CD3E: variants seen among roughly 807,000 people sequenced by gnomAD.
The protein encoded by CD3E is T-cell surface glycoprotein CD3 epsilon chain.
CD3E carries 16 observed loss-of-function variants against 34.7 expected under a neutral mutation model. That is an observed-to-expected ratio of 0.46 (90% confidence interval 0.31 to 0.70). The LOEUF is 0.70. CD3E is among the 30% of genes least tolerant of loss of function. The pLI is 0.05. For missense variants in CD3E, 223 were observed against 253.9 expected, an observed-to-expected ratio of 0.88 and a Z score of 0.83; for synonymous variants, 70 against 90.8, an observed-to-expected ratio of 0.77 and a Z score of 1.30.
chr11:118,314,459 G>A lies in CD3E; in HGVS notation c.532G>A (p.Glu178Lys), dbSNP rs751888640. Residue 178 changes from glutamate to lysine, a missense_variant, in exon 8 of 9, where the codon GAG becomes AAG. Coordinates refer to ENST00000361763, the MANE Select transcript of CD3E (RefSeq NM_000733.4). ...AGGRQRGQNKERPPPVPNPDY... is the reference protein window; with the variant it reads ...AGGRQRGQNKKRPPPVPNPDY... ...TCCTTCCTCCGCAGGACAAAACAAG[G>A]AGAGGCCACCACCTGTTCCCAACCC... 2 of 1,614,024 alleles carry A rather than the reference G, an allele frequency of 1.2e-6. No individual in the cohort carries two copies. The highest frequency in any genetic ancestry group is 1.1e-5 in the South Asian group (1 of 91,054).
At chr11:118,314,960 T>C (rs113307220) in intron 8 of CD3E, among the ~76,000 whole-genome samples, 25 of 143,728 alleles carry the variant, frequency 1.7e-4, no homozygotes, top group Middle Eastern at 3.4e-3. Flanking sequence ...CACACACACA[T>C]ACACACACAC....
chr11:118,312,928 T>C (rs1386915761), intron 6 of CD3E, 62 bp downstream of exon 6: 1 of 1,599,882 alleles, frequency 6.3e-7, no homozygotes. Context: ...CAAAAGGGCA[T>C]TCTCAGTGAT....
Position 118,313,746 on chromosome 11 carries a change from C to T in CD3E, c.392C>T (p.Ala131Val). ...NCMEMDVMSV[A>V]TIVIVDICIT... ...ATGGAGATGGATGTGATGTCGGTGG[C>T]CACAATTGTCATAGTGGACATCTGC... is the stretch of plus-strand genomic sequence containing the variant. The change falls in exon 7 of 9, where the codon GCC becomes GTC. Residue 131 changes from alanine (A) to valine (V), a missense_variant. Ala to Val is a moderately conservative substitution (Grantham distance 64). Coordinates refer to ENST00000361763, the MANE Select transcript of CD3E (RefSeq NM_000733.4). 2 of 1,614,146 alleles carry T rather than the reference C, an allele frequency of 1.2e-6. No individual in the cohort carries two copies. The highest frequency in any genetic ancestry group is 1.7e-6 in the Non-Finnish European group (2 of 1,180,016).
At position 118,304,781 on chromosome 11, in the gene CD3E, GTC is replaced by G. The variant is rs1207815229; in HGVS notation, c.-60+13_-60+14del. On this transcript the variant is annotated splice_donor_region_variant and intron_variant, in intron 1 of 8. Coordinates refer to ENST00000361763, the MANE Select transcript of CD3E (RefSeq NM_000733.4). ...AGGTGCCTGCTTCAGAAAATGGTGA[GTC>G]TCTCTCTTATAAAGCCCTCCTTTTT... 5 of 730,362 alleles carry G rather than the reference GTC, an allele frequency of 6.8e-6. No homozygotes were observed. The highest frequency in any genetic ancestry group is 1.7e-5 in the African/African-American group (1 of 57,852). 45.2% of individuals were successfully genotyped at this position (730,362 alleles called of 1,614,324 possible). A position where few individuals can be genotyped will look rare whatever the true frequency, so the allele number is the denominator to read the frequency against.
At chr11:118,309,952 G>C (rs12793150) in intron 4 of CD3E, among the ~76,000 whole-genome samples, 89,342 of 152,106 alleles carry the variant, frequency 0.59, 27,377 homozygotes, top group East Asian at 0.73. Context: ...CACTGTACTC[G>C]AGCCTCTGTG....
chr11:118,310,040 G>T (rs1948127620), intron 4 of CD3E, among the ~76,000 whole-genome samples: 1 of 152,234 alleles, frequency 6.6e-6, no homozygotes, highest in Admixed American at 6.5e-5. Flanking sequence ...AGATTTATAT[G>T]ATACCGAAGT....
intron 4 of CD3E, among the ~76,000 whole-genome samples, chr11:118,308,803 C>T (rs1948120917): frequency 6.6e-6 from 1 of 152,206 alleles, no homozygotes; most frequent in Non-Finnish European, 1.5e-5. Flanking sequence ...AATGAACAAA[C>T]ATATGAACAC....
rs763777716 is a variant in CD3E, at chr11:118,314,439, C to G, written c.521-9C>G. On this transcript the variant is annotated splice_polypyrimidine_tract_variant and intron_variant, in intron 7 of 8. Coordinates refer to ENST00000361763, the MANE Select transcript of CD3E (RefSeq NM_000733.4). ...TGGGAATGAAATGTTTCCCCTCCTT[C>G]CTCCGCAGGACAAAACAAGGAGAGG... 4 of 1,613,358 alleles carry G rather than the reference C, an allele frequency of 2.5e-6. No individual in the cohort carries two copies. The highest frequency in any genetic ancestry group is 1.7e-5 in the Admixed American group (1 of 59,974).
At position 118,315,352 on chromosome 11, in the gene CD3E, A is replaced by G. The variant is rs560285795; in HGVS notation, c.568-134A>G. ...TCAAGTCTCCTACCGTCCATGCCAAATTAGAATTCCAGCCTGCCTCCTGAC... is the reference window on the plus strand; with the variant it reads ...TCAAGTCTCCTACCGTCCATGCCAAGTTAGAATTCCAGCCTGCCTCCTGAC... On this transcript the variant is annotated intron_variant, in intron 8 of 8. Transcript: ENST00000361763. 4.6e-5 allele frequency: 34 copies of G among 737,220 alleles called. No homozygotes were observed. The African/African-American group carries it at 5.2e-4, about 11-fold the overall frequency. 45.7% of individuals were successfully genotyped at this position (737,220 alleles called of 1,614,324 possible).
Position 118,315,925 on chromosome 11 carries a change from C to T in CD3E, c.*383C>T, listed in dbSNP as rs200729830. On this transcript the variant is annotated 3_prime_UTR_variant, in exon 9 of 9. Transcript: ENST00000361763. ...AGTATTCCATCTACTTTTCTATCGC[C>T]GTCCCCTTTTGCAGCCCTCTCTGGG... The T allele has an allele frequency of 5.8e-4, 195 of 335,842 alleles. No individual in the cohort carries two copies. Among genetic ancestry groups the T allele is most frequent in the Non-Finnish European group, 9.0e-4 (160 of 176,814 alleles). The allele number at this position is 335,842 out of a possible 1,614,324, so 20.8% of individuals were successfully genotyped here.
In CD3E at chr11:118,313,844, C is replaced by G. The variant is rs201840561; in HGVS notation, c.490C>G (p.Arg164Gly). 4.3e-6 allele frequency: 7 copies of G among 1,613,778 alleles called. No individual in the cohort carries two copies. The highest frequency in any genetic ancestry group is 5.9e-6 in the Non-Finnish European group (7 of 1,180,024). ...NRKAKAKPVT[R>G]GAGAGGRQRG... ...AAAGGCCAAGGCCAAGCCTGTGACA[C>G]GAGGAGCGGGTGCTGGCGGCAGGCA... Residue 164 changes from arginine (R) to glycine (G), a missense_variant, in exon 7 of 9, where the codon CGA (arginine) becomes GGA (glycine). By Grantham distance (125) the Arg-to-Gly change is moderately radical. Coordinates refer to ENST00000361763, the MANE Select transcript of CD3E (RefSeq NM_000733.4).
In CD3E at chr11:118,312,153, G is replaced by T. The variant is rs1446052314; in HGVS notation, c.86G>T (p.Gly29Val). The change falls in exon 5 of 9, where the codon GGT becomes GTT. Residue 29 changes from glycine (G) to valine (V), a missense_variant and splice_region_variant. By Grantham distance (109) the Gly-to-Val change is moderately radical. Coordinates refer to ENST00000361763, the MANE Select transcript of CD3E (RefSeq NM_000733.4). ...VWGQDGNEEM[G>V]GITQTPYKVS... is the part of the protein sequence containing the mutation. ...TGCTGTTTCCTTTTTTCATTTTCAG[G>T]TGGTATTACACAGACACGTGAGTTT... The T allele has an allele frequency of 1.2e-6, 2 of 1,611,552 alleles. No individual in the cohort carries two copies. Among genetic ancestry groups the T allele is most frequent in the South Asian group, 2.2e-5 (2 of 91,030 alleles).
chr11:118,307,065 T>C (rs1329018467), intron 2 of CD3E, among the ~76,000 whole-genome samples: 1 of 152,138 alleles, frequency 6.6e-6, no homozygotes, highest in Non-Finnish European at 1.5e-5. Flanking sequence ...TAATGCTAGA[T>C]GCTTCCTTCC....
intron 4 of CD3E, among the ~76,000 whole-genome samples, 197 bp downstream of exon 4, chr11:118,308,638 A>G (rs1948120283): frequency 6.6e-6 from 1 of 152,200 alleles, no homozygotes; most frequent in African/African-American, 2.4e-5. Flanking sequence ...GCATATATGT[A>G]TCTCTGATCA....
intron 2 of CD3E, 102 bp downstream of exon 2, chr11:118,305,103 A>G: frequency 1.9e-6 from 2 of 1,047,124 alleles, no homozygotes; most frequent in Non-Finnish European, 3.0e-6. Context: ...CTCATTTACC[A>G]GATGTAAGGA....
intron 2 of CD3E, among the ~76,000 whole-genome samples, chr11:118,306,055 C>T (rs148592490): frequency 6.1e-4 from 93 of 152,248 alleles, no homozygotes; most frequent in African/African-American, 2.0e-3. Context: ...ATGTCTAGTA[C>T]GCTCTCAAGT....
chr11:118,312,642 C>G lies in CD3E; in HGVS notation c.128C>G (p.Thr43Ser), dbSNP rs1157071097. The change falls in exon 6 of 9, where the codon ACC becomes AGC. Residue 43 changes from threonine (T) to serine (S), a missense_variant. Thr to Ser is a moderately conservative substitution (Grantham distance 58, BLOSUM62 1). Coordinates refer to ENST00000361763, the MANE Select transcript of CD3E (RefSeq NM_000733.4). The stretch of plus-strand genomic sequence containing the variant: ...GCATATAAAGTCTCCATCTCTGGAA[C>G]CACAGTAATATTGACATGCCCTCAG... ...QTPYKVSISG[T>S]TVILTCPQYP... 1 of 1,613,996 alleles carries G rather than the reference C, an allele frequency of 6.2e-7. No homozygotes were observed. The highest frequency in any genetic ancestry group is 2.2e-5 in the East Asian group (1 of 44,898).
At chr11:118,314,064 C>T (rs60820882) in intron 7 of CD3E, among the ~76,000 whole-genome samples, 190 bp downstream of exon 7, 1 of 152,270 alleles carries the variant, frequency 6.6e-6, no homozygotes, top group African/African-American at 2.4e-5. Context: ...TCCTTCCCAT[C>T]CTAGAAAAGT....
chr11:118,311,349 T>G (rs1197786142), intron 4 of CD3E, among the ~76,000 whole-genome samples: 2 of 152,172 alleles, frequency 1.3e-5, no homozygotes, highest in East Asian at 3.8e-4. Context: ...AGGGCAAAAA[T>G]GGCTGCTGTG....
Sources: allele counts gnomAD v4.1 joint callset (sites outside exome capture counted in the v4.1 genomes callset), GRCh38; gene constraint gnomAD v4.1.1; transcripts MANE v1.5; gene names NCBI Gene and HGNC (gene_info 2026-07-23, HGNC 2026-07-21).